Variants in RUNDC3B observed in about 807,000 individuals in gnomAD.
RUNDC3B encodes RUN domain containing 3B, also known as RUN domain-containing protein 3B.
RUNDC3B carries 33 observed loss-of-function variants against 58.4 expected under a neutral mutation model. The ratio of observed to expected loss-of-function variants is 0.56; its 90% CI spans 0.43 to 0.75. The LOEUF (loss-of-function observed/expected upper bound fraction) is 0.75, where lower values mean the gene tolerates loss of function less well. RUNDC3B is among the 30% of genes least tolerant of loss of function. The probability of loss-of-function intolerance (pLI) is 0.00; values close to 1 mark genes in which losing one functional copy is unlikely to be tolerated. For synonymous variants in RUNDC3B, 193 were observed against 195.2 expected (o/e 0.99, Z 0.10); for missense variants, 501 against 535.7 (o/e 0.94, Z 0.64).
At chr7:87,773,876 C>A (rs138078303) in intron 7 of RUNDC3B, among the ~76,000 whole-genome samples, 2 of 152,002 alleles carry the variant, frequency 1.3e-5, no homozygotes, top group Admixed American at 1.3e-4. Flanking sequence ...CGGGGTTTCA[C>A]GACGTTGGCT....
chr7:87,774,745 T>G (rs754019607), intron 7 of RUNDC3B, among the ~76,000 whole-genome samples: 15 of 152,158 alleles, frequency 9.9e-5, no homozygotes, highest in Non-Finnish European at 1.9e-4. Context: ...CTACCAAATA[T>G]AGTCATGCAC....
At chr7:87,721,339 G>T (rs928226965) in intron 4 of RUNDC3B, among the ~76,000 whole-genome samples, 115 of 151,876 alleles carry the variant, frequency 7.6e-4, no homozygotes, top group African/African-American at 2.7e-3. Flanking sequence ...TAGAATGAAG[G>T]GGGTAACATG....
At chr7:87,734,225 A>G (rs1288065210) in intron 4 of RUNDC3B, among the ~76,000 whole-genome samples, 1 of 152,208 alleles carries the variant, frequency 6.6e-6, no homozygotes, top group Non-Finnish European at 1.5e-5. Context: ...TTTGAAAAAC[A>G]GTCTGGCAAT....
rs750402079 is a variant in RUNDC3B, at chr7:87,777,750, G to C, written c.799-48G>C. ...TACTCAGCATTTATCTTCAGGATAT[G>C]TATTAGAATTTTGCAGTTTCTATAT... On this transcript the variant is annotated intron_variant, in intron 7 of 10. Transcript: ENST00000394654. The C allele has an allele frequency of 6.0e-6, 9 of 1,489,914 alleles. No individual in the cohort carries two copies. The South Asian group carries it at 9.2e-5, about 15-fold the overall frequency. 92.3% of individuals were successfully genotyped at this position (1,489,914 alleles called of 1,614,324 possible).
chr7:87,669,743 G>A (rs927088127), intron 2 of RUNDC3B, among the ~76,000 whole-genome samples: 2 of 152,176 alleles, frequency 1.3e-5, no homozygotes, highest in East Asian at 3.8e-4. Flanking sequence ...CACTTTGGCT[G>A]TATATGAAAT....
At chr7:87,726,165 C>T (rs1456681196) in intron 4 of RUNDC3B, among the ~76,000 whole-genome samples, 2 of 152,092 alleles carry the variant, frequency 1.3e-5, no homozygotes, top group Non-Finnish European at 2.9e-5. Flanking sequence ...AAGTCCTTGC[C>T]CATGCCTATG....
At position 87,805,988 on chromosome 7, in the gene RUNDC3B, C is replaced by T. The variant is rs1024223537; in HGVS notation, c.957-1385C>T. ...TCTCTTTGTAAAGCTTTACTGTTTT[C>T]ATTTTTGAAAAAATGTTTAAGTACT... On this transcript the variant is annotated intron_variant, in intron 8 of 10. Transcript: ENST00000394654. 2.0e-5 allele frequency among the ~76,000 whole-genome samples: 3 copies of T among 152,232 alleles called. No homozygotes were observed. In the East Asian group the frequency reaches 5.8e-4, roughly 29 times the overall value.
At chr7:87,670,741 A>C (rs1825744038) in intron 2 of RUNDC3B, among the ~76,000 whole-genome samples, 1 of 152,098 alleles carries the variant, frequency 6.6e-6, no homozygotes. Flanking sequence ...TGGGTACATT[A>C]GTGAGGTATT....
chr7:87,708,650 T>A (rs1371788699), intron 3 of RUNDC3B, among the ~76,000 whole-genome samples: 8 of 152,146 alleles, frequency 5.3e-5, no homozygotes, highest in Admixed American at 1.3e-4. Context: ...TTTCTTTTTT[T>A]AAACTCTCTT....
chr7:87,703,885 C>CTTTTT, intron 3 of RUNDC3B, among the ~76,000 whole-genome samples: 34 of 60,276 alleles, frequency 5.6e-4, no homozygotes, highest in African/African-American at 6.9e-4. Context: ...TCAGTTTTTT[C>CTTTTT]TTTTTTTTTT....
chr7:87,819,167 G>C (rs550364761), intron 10 of RUNDC3B, among the ~76,000 whole-genome samples: 2 of 152,224 alleles, frequency 1.3e-5, no homozygotes, highest in Middle Eastern at 6.8e-3. Context: ...CAGCTAGTCC[G>C]ACTGATTATT....
intron 6 of RUNDC3B, among the ~76,000 whole-genome samples, chr7:87,752,255 T>A (rs1202272183): frequency 1.3e-5 from 2 of 152,204 alleles, no homozygotes; most frequent in African/African-American, 4.8e-5. Context: ...AGCTTTTTGA[T>A]GTGCTGCTGG....
intron 6 of RUNDC3B, among the ~76,000 whole-genome samples, chr7:87,742,651 C>G (rs1832402148): frequency 6.6e-6 from 1 of 151,628 alleles, no homozygotes; most frequent in Non-Finnish European, 1.5e-5. Flanking sequence ...AGAAAATGAG[C>G]TTTTATTTGT....
At chr7:87,818,707 C>A (rs896660607) in intron 10 of RUNDC3B, among the ~76,000 whole-genome samples, 2 of 152,002 alleles carry the variant, frequency 1.3e-5, no homozygotes, top group Non-Finnish European at 1.5e-5. Flanking sequence ...GCTGTGAGCA[C>A]AGGGGTGGAG....
At chr7:87,711,934 G>A (rs1238166918) in intron 4 of RUNDC3B, among the ~76,000 whole-genome samples, 11 of 152,118 alleles carry the variant, frequency 7.2e-5, no homozygotes, top group South Asian at 4.2e-4. Flanking sequence ...AAAAAAATAA[G>A]CACAAAGAAA....
chr7:87,694,656 G>C (rs1024688769), intron 2 of RUNDC3B, among the ~76,000 whole-genome samples: 3 of 152,060 alleles, frequency 2.0e-5, no homozygotes, highest in Non-Finnish European at 4.4e-5. Context: ...GATTTCTTCA[G>C]GAGTACGCAT....
chr7:87,726,838 T>C (rs1376457898), intron 4 of RUNDC3B, among the ~76,000 whole-genome samples: 1 of 152,212 alleles, frequency 6.6e-6, no homozygotes, highest in Non-Finnish European at 1.5e-5. Flanking sequence ...TATTTTATTC[T>C]CTTTGAAGCA....
chr7:87,689,332 A>G (rs902741579), intron 2 of RUNDC3B, among the ~76,000 whole-genome samples: 3 of 152,114 alleles, frequency 2.0e-5, no homozygotes, highest in Non-Finnish European at 4.4e-5. Context: ...TTCTGTCAGA[A>G]AATTAATGAG....
chr7:87,802,029 A>G (rs981800294), intron 8 of RUNDC3B, among the ~76,000 whole-genome samples: 1 of 152,232 alleles, frequency 6.6e-6, no homozygotes, highest in Non-Finnish European at 1.5e-5. Context: ...CTTGGTGTTT[A>G]TAATTAATCC....
Sources: gnomAD v4.1 joint callset for allele counts (sites outside exome capture counted in the v4.1 genomes callset) on GRCh38, gnomAD v4.1.1 for gene constraint, MANE v1.5 for transcripts, NCBI Gene and HGNC (gene_info 2026-07-23, HGNC 2026-07-21) for gene names.